The following HAVCR2 variants were observed in gnomAD, a reference collection of about 807,000 sequenced individuals.
HAVCR2 encodes hepatitis A virus cellular receptor 2, also known as T cell immunoglobulin mucin 3.
HAVCR2 carries 13 observed loss-of-function variants against 24.7 expected under a neutral mutation model. The observed-to-expected ratio is 0.53, with a 90% confidence interval of 0.34 to 0.84. The LOEUF (loss-of-function observed/expected upper bound fraction) is 0.84, where lower values mean the gene tolerates loss of function less well. HAVCR2 is among the 40% of genes least tolerant of loss of function. The pLI is 0.01. For missense variants in HAVCR2, 343 were observed against 371.2 expected, an observed-to-expected ratio of 0.92 and a Z score of 0.62; for synonymous variants, 154 against 143.4, an observed-to-expected ratio of 1.07 and a Z score of -0.53.
intron 4 of HAVCR2, among the ~76,000 whole-genome samples, chr5:157,096,142 C>T (rs373706857): frequency 3.4e-5 from 5 of 146,982 alleles, no homozygotes; most frequent in African/African-American, 1.3e-4. Flanking sequence ...AGGAGAATCA[C>T]TTAAACCCAG....
At chr5:157,101,566 A>G (rs979443191) in intron 3 of HAVCR2, among the ~76,000 whole-genome samples, 8 of 152,212 alleles carry the variant, frequency 5.3e-5, no homozygotes, top group African/African-American at 1.9e-4. Context: ...CATTTTTCAG[A>G]TGAAGATACT....
chr5:157,104,630 G>C, intron 3 of HAVCR2, 36 bp downstream of exon 3: 1 of 1,434,252 alleles, frequency 7.0e-7, no homozygotes, highest in Non-Finnish European at 9.7e-7. Context: ...TTCAGAGCCA[G>C]CTAAAGATTC....
rs576083745 is a variant in HAVCR2 at position 157,087,632 on chromosome 5, G to A, written c.714-338C>T. ...TAGATTTTCAAAAAATGGGCCGGGC[G>A]CCGTGGCTCACGCCTGTAATCCCAG... is the stretch of plus-strand genomic sequence containing the variant. On this transcript the variant is annotated intron_variant, in intron 6 of 6. Transcript: ENST00000307851. Among the ~76,000 whole-genome samples, 21 of 152,214 alleles carry A rather than the reference G, an allele frequency of 1.4e-4. No individual in the cohort carries two copies. In the East Asian group the frequency reaches 3.3e-3, roughly 24 times the overall value.
At chr5:157,093,596 T>C (rs1039066145) in intron 5 of HAVCR2, among the ~76,000 whole-genome samples, 1 of 152,146 alleles carries the variant, frequency 6.6e-6, no homozygotes, top group African/African-American at 2.4e-5. Context: ...TATTACGCTC[T>C]GGGGCATAAG....
intron 5 of HAVCR2, among the ~76,000 whole-genome samples, chr5:157,094,805 T>C (rs1757068277): frequency 6.6e-6 from 1 of 151,920 alleles, no homozygotes; most frequent in African/African-American, 2.4e-5. Flanking sequence ...CACGACCCAG[T>C]GTTAAAGGGA....
rs766509208 is a variant in HAVCR2, at chr5:157,086,078, T to G, written c.*1024A>C. 6.6e-6 allele frequency: 1 copy of G among 152,088 alleles called. No homozygotes were observed. Among genetic ancestry groups the G allele is most frequent in the Non-Finnish European group, 1.5e-5 (1 of 68,040 alleles). 9.4% of individuals were successfully genotyped at this position (152,088 alleles called of 1,614,324 possible). On this transcript the variant is annotated 3_prime_UTR_variant, in exon 7 of 7. Coordinates refer to ENST00000307851, the MANE Select transcript of HAVCR2 (RefSeq NM_032782.5). ...CTTCTGTGAAAAATATAGCTTCAGT[T>G]TGGTCCACGAATACAGAAGTTGGTC... is the stretch of plus-strand genomic sequence containing the variant.
intron 4 of HAVCR2, among the ~76,000 whole-genome samples, chr5:157,098,376 C>A (rs1750683559): frequency 6.6e-6 from 1 of 151,026 alleles, no homozygotes; most frequent in African/African-American, 2.4e-5. Flanking sequence ...CCTTGCACTC[C>A]AGCCTGGGCA....
chr5:157,108,997 G>T lies in HAVCR2; in HGVS notation c.-14C>A, dbSNP rs1561625220. 1 of 1,613,938 alleles carries T rather than the reference G, an allele frequency of 6.2e-7. No homozygotes were observed. The highest frequency in any genetic ancestry group is 2.2e-5 in the East Asian group (1 of 44,890). ...ATGTGAAAACATGGAGCTTGCAGAAGAAAAGTCAGAGGACACCTCTGTTAG... is the reference window on the plus strand; with the variant it reads ...ATGTGAAAACATGGAGCTTGCAGAATAAAAGTCAGAGGACACCTCTGTTAG... On this transcript the variant is annotated 5_prime_UTR_variant, in exon 1 of 7. Coordinates refer to ENST00000307851, the MANE Select transcript of HAVCR2 (RefSeq NM_032782.5).
chr5:157,096,594 T>A (rs1446248938), intron 4 of HAVCR2, among the ~76,000 whole-genome samples: 1 of 151,836 alleles, frequency 6.6e-6, no homozygotes, highest in Non-Finnish European at 1.5e-5. Flanking sequence ...CTGGCCAACA[T>A]GGTGAAACCC....
rs563265052 is a variant in HAVCR2 at position 157,089,111 on chromosome 5, C to T, written c.677-134G>A. On this transcript the variant is annotated intron_variant, in intron 5 of 6. Transcript: ENST00000307851. The stretch of plus-strand genomic sequence containing the variant: ...ATCTCAGATTGAGTTAAATGAAACT[C>T]TCAACGTGTGCCTTAGATAGTTATA... 34 of 691,674 alleles carry T rather than the reference C, an allele frequency of 4.9e-5. No homozygotes were observed. In the African/African-American group the frequency reaches 5.0e-4, roughly 10 times the overall value. 42.8% of individuals were successfully genotyped at this position (691,674 alleles called of 1,614,324 possible).
chr5:157,104,263 T>G lies in HAVCR2; in HGVS notation c.478+403A>C, dbSNP rs146052698. Among the ~76,000 whole-genome samples the G allele has an allele frequency of 7.3e-3, 1,114 of 152,268 alleles. 9 individuals are homozygous for G. The highest frequency in any genetic ancestry group is 9.3e-3 in the Non-Finnish European group (633 of 68,024). On this transcript the variant is annotated intron_variant, in intron 3 of 6. Coordinates refer to ENST00000307851, the MANE Select transcript of HAVCR2 (RefSeq NM_032782.5). ...GGAAGGTGATGGGCTTTATTCTAGC[T>G]AGAAGGCATCCTAGAAATCACCTAA... is the stretch of plus-strand genomic sequence containing the variant.
chr5:157,087,426 T>A, intron 6 of HAVCR2, 132 bp from the exon 7 acceptor site: 1 of 552,374 alleles, frequency 1.8e-6, no homozygotes, highest in East Asian at 3.6e-5. Flanking sequence ...GCTGAACAAG[T>A]GGAAAAGCCA....
At chr5:157,096,560 C>T (rs970203143) in intron 4 of HAVCR2, among the ~76,000 whole-genome samples, 15 of 152,014 alleles carry the variant, frequency 9.9e-5, no homozygotes, top group Non-Finnish European at 1.5e-4. Flanking sequence ...AGGCAGATCA[C>T]GAGGTCAGGA....
intron 2 of HAVCR2, among the ~76,000 whole-genome samples, chr5:157,105,108 A>G (rs1757227309): frequency 1.3e-5 from 2 of 150,746 alleles, no homozygotes; most frequent in Non-Finnish European, 2.9e-5. Flanking sequence ...CTTGTTGCCC[A>G]GGCTGGAGTG....
chr5:157,099,083 A>G (rs1757133900), intron 3 of HAVCR2, among the ~76,000 whole-genome samples, 182 bp from the exon 4 acceptor site: 1 of 152,192 alleles, frequency 6.6e-6, no homozygotes, highest in Non-Finnish European at 1.5e-5. Context: ...CTGAACACCC[A>G]GGAATCAACT....
intron 3 of HAVCR2, among the ~76,000 whole-genome samples, chr5:157,101,540 G>C (rs1757164872): frequency 6.6e-6 from 1 of 152,114 alleles, no homozygotes; most frequent in East Asian, 1.9e-4. Flanking sequence ...CAATAAGTAG[G>C]TACTACTATT....
intron 6 of HAVCR2, among the ~76,000 whole-genome samples, chr5:157,088,384 C>T (rs1581754034): frequency 6.6e-6 from 1 of 152,186 alleles, no homozygotes; most frequent in East Asian, 1.9e-4. Flanking sequence ...CAGTTCTCAG[C>T]CCTGACTGTT....
At position 157,104,724 on chromosome 5, in the gene HAVCR2, CCG is replaced by C; in HGVS notation, c.418_419del (p.Arg140AlafsTer30). ...KPAKVTPAPT[R>X]QRDFTAAFPR... ...GAAAGGCTGCAGTGAAGTCTCTCTG[CCG>C]AGTCGGTGCAGGGGTGACCTTGGCT... On this transcript the variant is annotated frameshift_variant, in exon 3 of 7. Transcript: ENST00000307851. LOFTEE classifies it high-confidence loss of function. The C allele has an allele frequency of 6.2e-7, 1 of 1,604,168 alleles. No individual in the cohort carries two copies. Among genetic ancestry groups the C allele is most frequent in the Non-Finnish European group, 8.5e-7 (1 of 1,174,684 alleles).
intron 4 of HAVCR2, 54 bp downstream of exon 4, chr5:157,098,804 C>T: frequency 1.3e-6 from 2 of 1,536,516 alleles, no homozygotes; most frequent in Admixed American, 3.6e-5. Flanking sequence ...AGTCTAAAGC[C>T]ATGATTTCCC....
Sources: allele counts gnomAD v4.1 joint callset (sites outside exome capture counted in the v4.1 genomes callset), GRCh38; gene constraint gnomAD v4.1.1; transcripts MANE v1.5; gene names NCBI Gene and HGNC (gene_info 2026-07-23, HGNC 2026-07-21).